PHACTR2: variants seen among roughly 807,000 people sequenced by gnomAD.
PHACTR2 encodes chromosome 6 open reading frame 56.
In PHACTR2, 30 loss-of-function variants were observed where a neutral mutation model predicts 76.0. That is an observed-to-expected ratio of 0.39 (90% CI 0.30 to 0.54). PHACTR2 has a LOEUF of 0.54. Among genes scored for constraint, PHACTR2 ranks in the 20% least tolerant of loss-of-function variants. The pLI is 0.61. For synonymous variants in PHACTR2, 292 were observed against 292.5 expected (o/e 1.00, Z 0.02); for missense variants, 696 against 781.1 (o/e 0.89, Z 1.30).
chr6:143,687,335 A>C (rs920800237), intron 1 of PHACTR2, among the ~76,000 whole-genome samples: 5 of 152,238 alleles, frequency 3.3e-5, no homozygotes, highest in Non-Finnish European at 7.3e-5. Context: ...CAAGAATTGT[A>C]AGAATTGGTC....
At chr6:143,629,134 T>A (rs1283264861) in intron 1 of PHACTR2, among the ~76,000 whole-genome samples, 1 of 151,598 alleles carries the variant, frequency 6.6e-6, no homozygotes, top group Non-Finnish European at 1.5e-5. Flanking sequence ...TTCTTAAAGA[T>A]GTCCATAGAA....
chr6:143,629,956 A>C (rs2128441769), intron 1 of PHACTR2, among the ~76,000 whole-genome samples: 1 of 152,182 alleles, frequency 6.6e-6, no homozygotes, highest in South Asian at 2.1e-4. Context: ...GATGTGATCC[A>C]AGCTGCCCTC....
rs542790343 is a variant in PHACTR2, at chr6:143,663,363, A to T, written c.14-48653A>T. On this transcript the variant is annotated intron_variant, in intron 1 of 11. Transcript: ENST00000305766. This position sits in a 1 kb window ranked among gnomAD's most constrained non-coding sequence, Gnocchi z 4.1. Reference sequence around the variant, plus strand: ...TCCCCGTGGATGAATGAAGTACTGAATATCCCAAAGCATTGAATCACTTCT... The same window carrying T: ...TCCCCGTGGATGAATGAAGTACTGATTATCCCAAAGCATTGAATCACTTCT... Among the ~76,000 whole-genome samples the T allele has an allele frequency of 6.6e-6, 1 of 152,218 alleles. No homozygotes were observed. The highest frequency in any genetic ancestry group is 6.5e-5 in the Admixed American group (1 of 15,284).
Position 143,652,755 on chromosome 6 carries a change from T to C in PHACTR2, c.13+44433T>C, listed in dbSNP as rs1285759381. Among the ~76,000 whole-genome samples, 1 of 152,228 alleles carries C rather than the reference T, an allele frequency of 6.6e-6. No individual in the cohort carries two copies. The highest frequency in any genetic ancestry group is 1.5e-5 in the Non-Finnish European group (1 of 68,048). ...ACCCAGGGGCTGAAATAAGGCGGAA[T>C]GCCCACCTGGAGATAAGTCTTGGCT... On this transcript the variant is annotated intron_variant, in intron 1 of 11. Transcript: ENST00000305766. The surrounding 1 kb of genome is among the most constrained non-coding windows in gnomAD (Gnocchi z 4.5).
Position 143,680,262 on chromosome 6 carries a change from T to C in PHACTR2, c.46+2053T>C, listed in dbSNP as rs1562267683. 1.3e-5 allele frequency among the ~76,000 whole-genome samples: 2 copies of C among 152,226 alleles called. No homozygotes were observed. Among genetic ancestry groups the C allele is most frequent in the Non-Finnish European group, 2.9e-5 (2 of 68,026 alleles). On this transcript the variant is annotated intron_variant, in intron 1 of 12. Transcript: ENST00000440869. The surrounding 1 kb of genome is among the most constrained non-coding windows in gnomAD (Gnocchi z 4.5). ...CTATTCCAGGTATTTTGTTCACTCC[T>C]TGTTAACTGTTTAACTCTGGCTTTA...
rs1479394887 is a variant in PHACTR2 at position 143,539,108 on chromosome 6, T to A, written c.217+1901T>A. Among the ~76,000 whole-genome samples, 2 of 152,226 alleles carry A rather than the reference T, an allele frequency of 1.3e-5. No homozygotes were observed. Among genetic ancestry groups the A allele is most frequent in the Non-Finnish European group, 2.9e-5 (2 of 68,040 alleles). On this transcript the variant is annotated intron_variant, in intron 1 of 11. Coordinates refer to the PHACTR2 transcript ENST00000367584. The surrounding 1 kb of genome is among the most constrained non-coding windows in gnomAD (Gnocchi z 4.3). Reference sequence around the variant, plus strand: ...TCATGGATGGAAATTATGGCCTGTATGCCGAAAAAGGACAGCAAAGACATT... The same window carrying A: ...TCATGGATGGAAATTATGGCCTGTAAGCCGAAAAAGGACAGCAAAGACATT...
In PHACTR2 at chr6:143,570,268, G is replaced by C. The variant is rs1041844682; in HGVS notation, c.217+33061G>C. ...GCTGATATTAAAAAACGAGGTTGCTGTTGGTCTGAGTCACAGGTGAAGCCC... is the reference window on the plus strand; with the variant it reads ...GCTGATATTAAAAAACGAGGTTGCTCTTGGTCTGAGTCACAGGTGAAGCCC... On this transcript the variant is annotated intron_variant, in intron 1 of 11. Coordinates refer to the PHACTR2 transcript ENST00000367584. This position sits in a 1 kb window ranked among gnomAD's most constrained non-coding sequence, Gnocchi z 4.6. Among the ~76,000 whole-genome samples the C allele has an allele frequency of 6.6e-6, 1 of 152,198 alleles. No homozygotes were observed. Among genetic ancestry groups the C allele is most frequent in the African/African-American group, 2.4e-5 (1 of 41,446 alleles).
chr6:143,593,706 T>C (rs1265492039), intron 1 of PHACTR2, among the ~76,000 whole-genome samples: 1 of 152,196 alleles, frequency 6.6e-6, no homozygotes, highest in African/African-American at 2.4e-5. Context: ...ATAAGATGAT[T>C]CCTACATTAT....
chr6:143,735,453 A>C (rs1026622329), intron 2 of PHACTR2, among the ~76,000 whole-genome samples: 11 of 152,324 alleles, frequency 7.2e-5, no homozygotes, highest in Admixed American at 3.9e-4. Flanking sequence ...TAAAATCCAT[A>C]ATGTAAATTT....
At chr6:143,686,005 G>T (rs572283946) in intron 1 of PHACTR2, among the ~76,000 whole-genome samples, 1 of 151,820 alleles carries the variant, frequency 6.6e-6, no homozygotes, top group African/African-American at 2.4e-5. Context: ...GGTGGCGGGC[G>T]CCCGTAATCT....
chr6:143,639,395 A>C lies in PHACTR2; in HGVS notation c.13+31073A>C, dbSNP rs1049607376. Among the ~76,000 whole-genome samples the C allele has an allele frequency of 6.6e-6, 1 of 152,238 alleles. No homozygotes were observed. Among genetic ancestry groups the C allele is most frequent in the Admixed American group, 6.5e-5 (1 of 15,286 alleles). ...TATCATTGCTCAAAACATTTCAAAA[A>C]TTACTAAGTGAAAGCATATTCAGAG... On this transcript the variant is annotated intron_variant, in intron 1 of 11. Coordinates refer to the PHACTR2 transcript ENST00000305766. The surrounding 1 kb of genome is among the most constrained non-coding windows in gnomAD (Gnocchi z 5.0).
Position 143,689,678 on chromosome 6 carries a change from T to TTTCTCATC in PHACTR2, c.46+11476_46+11483dup, listed in dbSNP as rs1334411725. On this transcript the variant is annotated intron_variant, in intron 1 of 12. Transcript: ENST00000440869. The surrounding 1 kb of genome is among the most constrained non-coding windows in gnomAD (Gnocchi z 4.4). ...TTCCTATTATTTCCCATTTTCCCATTTTCTCATCTTCTCAAGTCTTTTTTT... is the reference window on the plus strand; with the variant it reads ...TTCCTATTATTTCCCATTTTCCCATTTTCTCATCTTCTCATCTTCTCAAGTCTTTTTTT... Among the ~76,000 whole-genome samples the TTTCTCATC allele has an allele frequency of 6.6e-6, 1 of 151,328 alleles. No homozygotes were observed. The highest frequency in any genetic ancestry group is 2.4e-5 in the African/African-American group (1 of 41,092).
At chr6:143,644,301 A>G (rs1776616819) in intron 1 of PHACTR2, among the ~76,000 whole-genome samples, 1 of 152,040 alleles carries the variant, frequency 6.6e-6, no homozygotes, top group African/African-American at 2.4e-5. Context: ...CCCCATCTCT[A>G]CTAAAAATAC....
At chr6:143,690,851 A>C (rs1366811876) in intron 1 of PHACTR2, among the ~76,000 whole-genome samples, 1 of 152,072 alleles carries the variant, frequency 6.6e-6, no homozygotes, top group African/African-American at 2.4e-5. Context: ...TTTTAAGAAG[A>C]CTCACATTTA....
rs1366639928 is a variant in PHACTR2, at chr6:143,664,301, C to T, written c.14-47715C>T. 6.6e-6 allele frequency among the ~76,000 whole-genome samples: 1 copy of T among 151,980 alleles called. No homozygotes were observed. Among genetic ancestry groups the T allele is most frequent in the Non-Finnish European group, 1.5e-5 (1 of 67,968 alleles). ...GCTTTTGCTGTTTGGGGTGTGTCTT[C>T]TAAAAATGACAGATAAAGAAAGAGA... On this transcript the variant is annotated intron_variant, in intron 1 of 11. Coordinates refer to the PHACTR2 transcript ENST00000305766. The surrounding 1 kb of genome is among the most constrained non-coding windows in gnomAD (Gnocchi z 5.1).
chr6:143,584,598 G>A (rs985988060), intron 1 of PHACTR2, among the ~76,000 whole-genome samples: 5 of 152,220 alleles, frequency 3.3e-5, no homozygotes, highest in Admixed American at 6.5e-5. Flanking sequence ...CAAGCCTGAT[G>A]TATAGGATTT....
In PHACTR2 at chr6:143,597,374, T is replaced by A. The variant is rs567054756; in HGVS notation, c.217+60167T>A. On this transcript the variant is annotated intron_variant, in intron 1 of 11. Transcript: ENST00000367584. This position sits in a 1 kb window ranked among gnomAD's most constrained non-coding sequence, Gnocchi z 5.7. ...TTCCAGGTGAGTAGTAAAGACCTCA[T>A]GCATTTTCATTAAATGTGATTTCTT... 6.6e-6 allele frequency among the ~76,000 whole-genome samples: 1 copy of A among 152,350 alleles called. No homozygotes were observed. Among genetic ancestry groups the A allele is most frequent in the East Asian group, 1.9e-4 (1 of 5,190 alleles).
rs1016151252 is a variant in PHACTR2, at chr6:143,750,712, A to G, written c.295+1647A>G. Among the ~76,000 whole-genome samples the G allele has an allele frequency of 6.6e-6, 1 of 152,228 alleles. No individual in the cohort carries two copies. The highest frequency in any genetic ancestry group is 1.5e-5 in the Non-Finnish European group (1 of 68,040). ...ATCTGTGAAACTATTTGCCTCATAGATTATAATTTCTTGGGCCAACATATA... is the reference window on the plus strand; with the variant it reads ...ATCTGTGAAACTATTTGCCTCATAGGTTATAATTTCTTGGGCCAACATATA... On this transcript the variant is annotated intron_variant, in intron 3 of 12. Coordinates refer to ENST00000440869, the MANE Select transcript of PHACTR2 (RefSeq NM_001100164.2). This position sits in a 1 kb window ranked among gnomAD's most constrained non-coding sequence, Gnocchi z 4.6.
At chr6:143,769,235 A>T (rs1437652556) in intron 6 of PHACTR2, among the ~76,000 whole-genome samples, 1 of 152,208 alleles carries the variant, frequency 6.6e-6, no homozygotes, top group African/African-American at 2.4e-5. Context: ...CATATGTGTG[A>T]TACAATATAA....
Sources: gnomAD v4.1 joint callset for allele counts (sites outside exome capture counted in the v4.1 genomes callset) on GRCh38, gnomAD v4.1.1 for gene constraint, Gnocchi (gnomAD v3.1) non-coding constraint, MANE v1.5 for transcripts, NCBI Gene and HGNC (gene_info 2026-07-23, HGNC 2026-07-21) for gene names.